The following SALL2 variants were observed in gnomAD, a reference collection of about 807,000 sequenced individuals.
SALL2 encodes the protein sal-like protein 2.
In SALL2, 32 loss-of-function variants were observed where a neutral mutation model predicts 58.5. That is an observed-to-expected ratio of 0.55 (90% CI 0.41 to 0.74). The LOEUF (loss-of-function observed/expected upper bound fraction) is 0.74. Ranked by LOEUF, SALL2 falls within the 30% of genes least tolerant of loss-of-function variation. SALL2 has a pLI of 0.00. For missense variants in SALL2, 1,201 were observed against 1,268.9 expected, an observed-to-expected ratio of 0.95 and a Z score of 0.81; for synonymous variants, 516 against 513.6, an observed-to-expected ratio of 1.00 and a Z score of -0.06.
At chr14:21,536,425 C>T (rs923453856) in intron 1 of SALL2, among the ~76,000 whole-genome samples, 1 of 152,114 alleles carries the variant, frequency 6.6e-6, no homozygotes, top group Non-Finnish European at 1.5e-5. Context: ...CTCAGGGGAG[C>T]CTTCACGTTT....
rs558593053 is a variant in SALL2 at position 21,525,080 on chromosome 14, C to T, written c.642G>A (p.Thr214=). 101 of 1,613,988 alleles carry T rather than the reference C, an allele frequency of 6.3e-5. No individual in the cohort carries two copies. The highest frequency in any genetic ancestry group is 8.2e-5 in the Non-Finnish European group (97 of 1,180,000). Reference sequence around the variant, plus strand: ...CTGAGGGACTGGCAGGGGCACCCACCGTCTGGCCTAAGGAGCCAAGCAACA... The same window carrying T: ...CTGAGGGACTGGCAGGGGCACCCACTGTCTGGCCTAAGGAGCCAAGCAACA... ...QVLLLGSLGQ[T]VGAPASPSEL... Residue 214 remains threonine (T), a synonymous_variant, in exon 2 of 2, where the codon ACG becomes ACA. Transcript: ENST00000537235. The surrounding 1 kb of genome is among the most constrained non-coding windows in gnomAD (Gnocchi z 4.4).
At position 21,522,069 on chromosome 14, in the gene SALL2, A is replaced by AGGG. The variant is rs576985829; in HGVS notation, c.*632_*634dup. On this transcript the variant is annotated 3_prime_UTR_variant, in exon 2 of 2. Transcript: ENST00000537235. ...CTTGGGTGCAGGAGGCTGAAATAGG[A>AGGG]GGGGGGCTGTCTTCTCCTTGGCTTC... 1 of 1,597,420 alleles carries AGGG rather than the reference A, an allele frequency of 6.3e-7. No homozygotes were observed. The highest frequency in any genetic ancestry group is 2.2e-5 in the East Asian group (1 of 44,852).
At chr14:21,533,773 A>C (rs531164670) in intron 1 of SALL2, among the ~76,000 whole-genome samples, 58 of 152,258 alleles carry the variant, frequency 3.8e-4, no homozygotes, top group African/African-American at 1.3e-3. Flanking sequence ...TCACTGCAGA[A>C]TTTTGGCTTT....
upstream of SALL2, among the ~76,000 whole-genome samples, chr14:21,530,748 T>A (rs1383307148): frequency 6.6e-6 from 1 of 152,148 alleles, no homozygotes; most frequent in Non-Finnish European, 1.5e-5. Flanking sequence ...TAGCTGGGAC[T>A]ACAGGCATGC....
At chr14:21,528,381 G>A (rs12323791), upstream of SALL2, among the ~76,000 whole-genome samples, 4,991 of 152,260 alleles carry the variant, frequency 0.033, 295 homozygotes, top group African/African-American at 0.11. Context: ...GTCTTTTATT[G>A]CAGTGGGTGG....
At chr14:21,526,939 G>A (rs974778459), upstream of SALL2, among the ~76,000 whole-genome samples, 1 of 151,798 alleles carries the variant, frequency 6.6e-6, no homozygotes, top group Non-Finnish European at 1.5e-5. Context: ...GACTCTCTGC[G>A]GAACACTAAG....
chr14:21,526,279 G>C lies in SALL2; in HGVS notation c.-152C>G, dbSNP rs990370009. 2.8e-6 allele frequency: 4 copies of C among 1,442,456 alleles called. No homozygotes were observed. Among genetic ancestry groups the C allele is most frequent in the Non-Finnish European group, 3.6e-6 (4 of 1,102,222 alleles). 89.4% of individuals were successfully genotyped at this position (1,442,456 alleles called of 1,614,324 possible). A position where few individuals can be genotyped will look rare whatever the true frequency, so the allele number is the denominator to read the frequency against. On this transcript the variant is annotated 5_prime_UTR_variant, in exon 1 of 2. Transcript: ENST00000537235. ...GGCAGCGGCGGGGGCAGGGAGCAGC[G>C]GCGGAGGGGGAGGGGAGCGAGGAGG...
intron 1 of SALL2, chr14:21,536,925 C>T: frequency 1.9e-6 from 3 of 1,613,998 alleles, no homozygotes; most frequent in Non-Finnish European, 2.5e-6. Context: ...GAGACATTCC[C>T]GGGTAGAGAG....
Position 21,524,789 on chromosome 14 carries a change from C to A in SALL2, c.933G>T (p.Leu311=), listed in dbSNP as rs771095935. The A allele has an allele frequency of 1.2e-6, 2 of 1,607,532 alleles. No individual in the cohort carries two copies. The highest frequency in any genetic ancestry group is 4.5e-5 in the East Asian group (2 of 44,840). The part of the protein sequence containing the change: ...SPALPGSTDQ[L]IASPHLAFPS... ...GGAATGCCAGATGAGGCGAGGCAAT[C>A]AGCTGATCTGTGCTGCCTGGCAAGG... The change falls in exon 2 of 2, where the codon CTG becomes CTT. Residue 311 remains leucine (L), a synonymous_variant. Transcript: ENST00000537235.
In SALL2 at chr14:21,523,358, ACT is replaced by A. The variant is rs1892128207; in HGVS notation, c.2362_2363del (p.Ser788TrpfsTer3). ...EDSLAGRGSE[S>X]GGEKAISVRG... ...TCACTGATATTGCCTTCTCACCTCC[ACT>A]CTCTGAGCCTCTCCCTGCCAGGGAA... On this transcript the variant is annotated frameshift_variant, in exon 2 of 2. Coordinates refer to ENST00000537235, the MANE Select transcript of SALL2 (RefSeq NM_001364564.1). LOFTEE classifies it high-confidence loss of function. The surrounding 1 kb of genome is among the most constrained non-coding windows in gnomAD (Gnocchi z 4.4). 3 of 1,612,100 alleles carry A rather than the reference ACT, an allele frequency of 1.9e-6. No homozygotes were observed. The highest frequency in any genetic ancestry group is 2.5e-6 in the Non-Finnish European group (3 of 1,179,712).
upstream of SALL2, among the ~76,000 whole-genome samples, chr14:21,530,525 T>C (rs192267730): frequency 6.6e-6 from 1 of 152,246 alleles, no homozygotes; most frequent in East Asian, 1.9e-4. Context: ...CGACCTCAGG[T>C]GATCTGCCAA....
chr14:21,531,747 CCCAGGCTGGAGTGCAATGGTCG>C (rs1244498920), intron 1 of SALL2, among the ~76,000 whole-genome samples: 5,278 of 73,714 alleles, frequency 0.072, 156 homozygotes, highest in Middle Eastern at 0.14. Context: ...CGCTCTGTCG[CCCAGGCTGGAGTGCAATGGTCG>C]CCCAGGCTGG....
chr14:21,522,556 C>T lies in SALL2; in HGVS notation c.*148G>A. 3 of 1,395,498 alleles carry T rather than the reference C, an allele frequency of 2.1e-6. No individual in the cohort carries two copies. The highest frequency in any genetic ancestry group is 2.8e-6 in the Non-Finnish European group (3 of 1,078,072). The allele number at this position is 1,395,498 out of a possible 1,614,324, so 86.4% of individuals were successfully genotyped here. A position where few individuals can be genotyped will look rare whatever the true frequency, so the allele number is the denominator to read the frequency against. ...CCTTGTAAGCACAGTAATTTCCAAG[C>T]TCAGGGACTACAGAAAAGCCACTAG... On this transcript the variant is annotated 3_prime_UTR_variant, in exon 2 of 2. Coordinates refer to ENST00000537235, the MANE Select transcript of SALL2 (RefSeq NM_001364564.1).
rs1244297048 is a variant in SALL2, at chr14:21,522,003, G to C, written c.*701C>G. The C allele has an allele frequency of 1.3e-6, 2 of 1,575,714 alleles. No individual in the cohort carries two copies. The highest frequency in any genetic ancestry group is 1.7e-6 in the Non-Finnish European group (2 of 1,167,762). On this transcript the variant is annotated 3_prime_UTR_variant, in exon 2 of 2. Transcript: ENST00000537235. Reference sequence around the variant, plus strand: ...CAGGGGGAGGAAGAAGGAATGTACAGTTTGCTACTTCTTGTCTATGATGGG... The same window carrying C: ...CAGGGGGAGGAAGAAGGAATGTACACTTTGCTACTTCTTGTCTATGATGGG...
upstream of SALL2, among the ~76,000 whole-genome samples, chr14:21,529,754 C>T (rs1892409163): frequency 6.6e-6 from 1 of 152,084 alleles, no homozygotes; most frequent in Non-Finnish European, 1.5e-5. Context: ...TTGAGACCAG[C>T]CTGCATAACA....
At position 21,524,968 on chromosome 14, in the gene SALL2, G is replaced by C. The variant is rs753917593; in HGVS notation, c.754C>G (p.Leu252Val). The C allele has an allele frequency of 1.9e-6, 3 of 1,614,120 alleles. No homozygotes were observed. The highest frequency in any genetic ancestry group is 2.5e-6 in the Non-Finnish European group (3 of 1,179,982). Residue 252 changes from leucine (L) to valine (V), a missense_variant, in exon 2 of 2, where the codon CTG becomes GTG. By Grantham distance (32) the Leu-to-Val change is conservative. Coordinates refer to ENST00000537235, the MANE Select transcript of SALL2 (RefSeq NM_001364564.1). ...PIKPVQTSKT[L>V]ASSSSSSSSS... The stretch of plus-strand genomic sequence containing the variant: ...GAGGAGGAGGAGGAGGAAGATGCCA[G>C]TGTCTTGCTGGTTTGGACAGGCTTG...
upstream of SALL2, among the ~76,000 whole-genome samples, chr14:21,529,382 T>C (rs1485751160): frequency 6.6e-6 from 1 of 152,100 alleles, no homozygotes; most frequent in African/African-American, 2.4e-5. Flanking sequence ...TCCCATCAGA[T>C]TGCTTCTTTA....
chr14:21,522,631 A>C lies in SALL2; in HGVS notation c.*73T>G. 1 of 1,491,466 alleles carries C rather than the reference A, an allele frequency of 6.7e-7. No homozygotes were observed. The highest frequency in any genetic ancestry group is 8.9e-7 in the Non-Finnish European group (1 of 1,122,316). 92.4% of individuals were successfully genotyped at this position (1,491,466 alleles called of 1,614,324 possible). On this transcript the variant is annotated 3_prime_UTR_variant, in exon 2 of 2. Coordinates refer to ENST00000537235, the MANE Select transcript of SALL2 (RefSeq NM_001364564.1). ...AGAAAAAGACAAAATCAGGGCTCAT[A>C]ACTCTGGGAGGTCCTTTTGTGAAGC...
chr14:21,529,077 A>T (rs1179688990), upstream of SALL2, among the ~76,000 whole-genome samples: 1 of 152,162 alleles, frequency 6.6e-6, no homozygotes, highest in East Asian at 1.9e-4. Flanking sequence ...GTGAAAGGTG[A>T]CTGGATCAAC....
Sources: gnomAD v4.1 joint callset for allele counts (sites outside exome capture counted in the v4.1 genomes callset) on GRCh38, gnomAD v4.1.1 for gene constraint, Gnocchi (gnomAD v3.1) non-coding constraint, MANE v1.5 for transcripts, NCBI Gene and HGNC (gene_info 2026-07-23, HGNC 2026-07-21) for gene names.